The following ERC2 variants were observed in gnomAD, a reference collection of about 807,000 sequenced individuals.
The protein encoded by ERC2 is ERC protein 2.
Under a neutral mutation model 114.8 loss-of-function variants are expected in ERC2, and 42 were observed. That is an observed-to-expected ratio of 0.37 (90% CI 0.29 to 0.47). The LOEUF is 0.47. Among genes scored for constraint, ERC2 ranks in the 20% least tolerant of loss-of-function variants. The pLI is 0.99. For missense variants in ERC2, 939 were observed against 1,150.7 expected (o/e 0.82, Z 2.66); for synonymous variants, 454 against 425.5 (o/e 1.07, Z -0.82).
intron 12 of ERC2, among the ~76,000 whole-genome samples, chr3:55,959,462 C>A (rs2068208696): frequency 6.6e-6 from 1 of 152,198 alleles, no homozygotes; most frequent in Non-Finnish European, 1.5e-5. Context: ...TGCCCTCCTA[C>A]CCCTCCTGAT....
At chr3:55,999,176 A>T (rs1177257923) in intron 10 of ERC2, among the ~76,000 whole-genome samples, 1 of 152,206 alleles carries the variant, frequency 6.6e-6, no homozygotes, top group African/African-American at 2.4e-5. Context: ...TTAAGAACCA[A>T]GGGAAGAAAA....
chr3:55,513,260 T>C (rs763006189), intron 17 of ERC2, among the ~76,000 whole-genome samples: 1 of 152,264 alleles, frequency 6.6e-6, no homozygotes, highest in African/African-American at 2.4e-5. Context: ...AATGCAGGAC[T>C]GATGGACTCC....
At chr3:56,096,475 T>C (rs1321805762) in intron 6 of ERC2, among the ~76,000 whole-genome samples, 1 of 152,056 alleles carries the variant, frequency 6.6e-6, no homozygotes, top group African/African-American at 2.4e-5. Context: ...ACAGCATAAA[T>C]AGCAACCAAA....
intron 17 of ERC2, among the ~76,000 whole-genome samples, chr3:55,654,515 T>C (rs1341763034): frequency 1.3e-5 from 2 of 152,262 alleles, no homozygotes; most frequent in Non-Finnish European, 2.9e-5. Flanking sequence ...TAAGGAGATA[T>C]AAAACAATTT....
intron 14 of ERC2, among the ~76,000 whole-genome samples, chr3:55,738,921 C>A (rs2065810088): frequency 6.6e-6 from 1 of 152,136 alleles, no homozygotes; most frequent in Non-Finnish European, 1.5e-5. Context: ...GCCCACCAAC[C>A]CCTGACAGGC....
At chr3:56,357,693 C>A (rs546785221) in intron 2 of ERC2, among the ~76,000 whole-genome samples, 24 of 151,256 alleles carry the variant, frequency 1.6e-4, no homozygotes, top group Middle Eastern at 3.4e-3. Context: ...ATTCAGCTAA[C>A]TAAAGATCAA....
intron 3 of ERC2, among the ~76,000 whole-genome samples, chr3:56,258,023 C>A (rs1387183320): frequency 6.6e-6 from 1 of 152,094 alleles, no homozygotes; most frequent in Admixed American, 6.5e-5. Flanking sequence ...TAGGATAATC[C>A]TTTCATTCTT....
chr3:55,799,450 C>CATAT (rs59209006), intron 14 of ERC2, among the ~76,000 whole-genome samples: 1,231 of 106,134 alleles, frequency 0.012, 13 homozygotes, highest in African/African-American at 0.024. Flanking sequence ...TATATATATG[C>CATAT]ATATATATAT....
chr3:55,516,638 T>A (rs1206618317), intron 17 of ERC2, among the ~76,000 whole-genome samples: 1 of 152,162 alleles, frequency 6.6e-6, no homozygotes, highest in Non-Finnish European at 1.5e-5. Flanking sequence ...TGGAGGGACT[T>A]GGTATTTCAA....
chr3:56,228,072 T>C lies in ERC2; in HGVS notation c.1075-54552A>G, dbSNP rs927851181. 2.0e-5 allele frequency among the ~76,000 whole-genome samples: 3 copies of C among 151,848 alleles called. 1 individual carries two copies. Among genetic ancestry groups the C allele is most frequent in the South Asian group, 4.2e-4 (2 of 4,806 alleles). On this transcript the variant is annotated intron_variant, in intron 3 of 17. Coordinates refer to ENST00000288221, the MANE Select transcript of ERC2 (RefSeq NM_015576.3). ...TGAACCTCAAGGGCTGGCAGAAGAG[T>C]GATTACCTCGAGGAGACAATACTGA...
intron 7 of ERC2, among the ~76,000 whole-genome samples, chr3:56,038,944 G>C (rs1387991952): frequency 4.6e-5 from 7 of 152,178 alleles, no homozygotes; most frequent in African/African-American, 1.7e-4. Flanking sequence ...AGGTGGTGGG[G>C]GTTGGGAGAA....
At chr3:55,645,412 C>A (rs778155218) in intron 17 of ERC2, among the ~76,000 whole-genome samples, 15 of 152,308 alleles carry the variant, frequency 9.8e-5, no homozygotes, top group African/African-American at 3.6e-4. Context: ...AACATCCAAT[C>A]CCTCACTTTG....
intron 3 of ERC2, among the ~76,000 whole-genome samples, chr3:56,263,293 GAA>G (rs970335324): frequency 7.4e-6 from 1 of 134,470 alleles, no homozygotes; most frequent in South Asian, 2.3e-4. Flanking sequence ...AACTGTCCAT[GAA>G]AAAAAAAAGT....
chr3:55,604,515 G>GT lies in ERC2; in HGVS notation c.*39+79278_*39+79279insA, dbSNP rs529033888. ...GTTCCTGCTGACACTACACTCAGCA[G>GT]GCATGTCTGAGGATGAGAAAGAAGG... On this transcript the variant is annotated intron_variant, in intron 17 of 17. Transcript: ENST00000288221. 3.0e-3 allele frequency among the ~76,000 whole-genome samples: 464 copies of GT among 152,224 alleles called. 3 individuals are homozygous for GT. Among genetic ancestry groups the GT allele is most frequent in the African/African-American group, 0.01 (430 of 41,536 alleles).
At chr3:56,228,198 C>A (rs1251790470) in intron 3 of ERC2, among the ~76,000 whole-genome samples, 1 of 152,128 alleles carries the variant, frequency 6.6e-6, no homozygotes, top group Non-Finnish European at 1.5e-5. Flanking sequence ...TCATTTCTAA[C>A]TGTGGTAAAA....
At chr3:55,971,666 C>T (rs1006720860) in intron 12 of ERC2, among the ~76,000 whole-genome samples, 4 of 152,174 alleles carry the variant, frequency 2.6e-5, no homozygotes, top group Non-Finnish European at 5.9e-5. Flanking sequence ...CAGAAAGGAA[C>T]TGAAATCACC....
chr3:56,306,181 A>C (rs1429242614), intron 2 of ERC2, among the ~76,000 whole-genome samples: 1 of 152,080 alleles, frequency 6.6e-6, no homozygotes, highest in Non-Finnish European at 1.5e-5. Context: ...TTTGTAGTAC[A>C]ATTGCGAGTC....
intron 12 of ERC2, among the ~76,000 whole-genome samples, chr3:55,980,238 A>C (rs1426539083): frequency 6.6e-6 from 1 of 152,132 alleles, no homozygotes; most frequent in Non-Finnish European, 1.5e-5. Context: ...TCTAGAGTAA[A>C]ATGAGAGAGC....
intron 3 of ERC2, among the ~76,000 whole-genome samples, chr3:56,195,632 C>T (rs921622706): frequency 1.2e-4 from 18 of 151,770 alleles, no homozygotes; most frequent in Non-Finnish European, 2.2e-4. Context: ...GAGTTCAAGA[C>T]CAGCCTGGGC....
Sources: allele counts gnomAD v4.1 joint callset (sites outside exome capture counted in the v4.1 genomes callset), GRCh38; gene constraint gnomAD v4.1.1; transcripts MANE v1.5; gene names NCBI Gene and HGNC (gene_info 2026-07-23, HGNC 2026-07-21).